DGKZ: variants seen among roughly 807,000 people sequenced by gnomAD.
DGKZ encodes DAG kinase zeta.
In DGKZ, 45 loss-of-function variants were observed where a neutral mutation model predicts 142.5. The ratio of observed to expected loss-of-function variants is 0.32; its 90% confidence interval spans 0.25 to 0.40. DGKZ has a LOEUF of 0.40. Among genes scored for constraint, DGKZ ranks in the 10% least tolerant of loss-of-function variants. DGKZ has a pLI of 1.00. For synonymous variants in DGKZ, 442 were observed against 527.0 expected, an observed-to-expected ratio of 0.84 and a Z score of 2.21; for missense variants, 755 against 1,306.5, an observed-to-expected ratio of 0.58 and a Z score of 6.51.
At chr11:46,343,955 C>CT (rs36078017), upstream of DGKZ, among the ~76,000 whole-genome samples, 1,661 of 144,820 alleles carry the variant, frequency 0.011, 25 homozygotes, top group African/African-American at 0.035. Flanking sequence ...TATAGCACAT[C>CT]TTTTTTTTTT....
At chr11:46,376,897 G>A (rs1188600970) in intron 24 of DGKZ, 176 bp from the exon 25 acceptor site, 5 of 660,672 alleles carry the variant, frequency 7.6e-6, no homozygotes, top group Admixed American at 5.7e-5. Flanking sequence ...CTGGGCAGTC[G>A]GAGGAGGTGT....
intron 1 of DGKZ, chr11:46,365,279 C>T: frequency 1.0e-6 from 1 of 985,430 alleles, no homozygotes; most frequent in Non-Finnish European, 1.2e-6. Context: ...GAAGAATGTG[C>T]AGTCACAGGC....
chr11:46,379,301 AT>A, intron 29 of DGKZ, 65 bp downstream of exon 29: 2 of 1,604,344 alleles, frequency 1.2e-6, no homozygotes, highest in Non-Finnish European at 1.7e-6. Flanking sequence ...CACCCCTCCC[AT>A]TTTGTCAGGT....
chr11:46,355,171 C>T (rs575977145), intron 1 of DGKZ, among the ~76,000 whole-genome samples: 74 of 152,162 alleles, frequency 4.9e-4, no homozygotes, highest in African/African-American at 1.7e-3. Flanking sequence ...TGCAGTGGTG[C>T]GATCTCGGCT....
chr11:46,358,038 T>C (rs1041062782), intron 1 of DGKZ, among the ~76,000 whole-genome samples: 1 of 152,224 alleles, frequency 6.6e-6, no homozygotes, highest in South Asian at 2.1e-4. Flanking sequence ...ATCAGTGGTC[T>C]TAAAAAGTAT....
Position 46,367,349 on chromosome 11 carries a change from G to T in DGKZ, c.220G>T (p.Ala74Ser), listed in dbSNP as rs1300110411. The T allele has an allele frequency of 6.2e-7, 1 of 1,613,168 alleles. No homozygotes were observed. Among genetic ancestry groups the T allele is most frequent in the East Asian group, 2.2e-5 (1 of 44,888 alleles). Residue 74 changes from alanine (A) to serine (S), a missense_variant, in exon 2 of 31, where the codon GCC becomes TCC. Transcript: ENST00000527911. This position sits in a 1 kb window ranked among gnomAD's most constrained non-coding sequence, Gnocchi z 4.1. ...GGCCCCCCCTCCGCCCACCCCTGGG[G>T]CCCCGTGCAGCGAGTCAGAGCGGCA...
At chr11:46,365,535 C>A (rs1298117354) in intron 1 of DGKZ, 1 of 985,306 alleles carries the variant, frequency 1.0e-6, no homozygotes, top group Non-Finnish European at 1.2e-6. Flanking sequence ...CCAGGAGAGC[C>A]AGACAGTGAC....
intron 1 of DGKZ, among the ~76,000 whole-genome samples, chr11:46,355,403 C>T (rs59319338): frequency 0.15 from 23,586 of 152,178 alleles, 1,884 homozygotes; most frequent in Middle Eastern, 0.18. Context: ...CCACCGCGCC[C>T]GGCTATTTTC....
At chr11:46,348,661 G>A (rs1402225364) in intron 1 of DGKZ, among the ~76,000 whole-genome samples, 5 of 152,216 alleles carry the variant, frequency 3.3e-5, no homozygotes, top group African/African-American at 9.6e-5. Flanking sequence ...GGGAACCGGG[G>A]GGAGAGTGTG....
At chr11:46,354,353 A>AT (rs1327419768) in intron 1 of DGKZ, among the ~76,000 whole-genome samples, 1 of 151,848 alleles carries the variant, frequency 6.6e-6, no homozygotes, top group Non-Finnish European at 1.5e-5. Context: ...TACCGGGCTC[A>AT]TTTTTTCTTT....
At chr11:46,358,125 CT>C (rs923443415) in intron 1 of DGKZ, among the ~76,000 whole-genome samples, 11 of 151,850 alleles carry the variant, frequency 7.2e-5, no homozygotes, top group African/African-American at 2.4e-4. Context: ...TGGTTCCTGC[CT>C]TTTTTTTGCT....
chr11:46,344,075 G>C (rs1259522697), upstream of DGKZ, among the ~76,000 whole-genome samples: 1 of 151,566 alleles, frequency 6.6e-6, no homozygotes, highest in African/African-American at 2.4e-5. Flanking sequence ...TCAGCCTCCA[G>C]AGTAGCTGGG....
chr11:46,364,208 C>G, intron 1 of DGKZ: 1 of 230,594 alleles, frequency 4.3e-6, no homozygotes, highest in East Asian at 1.8e-4. Flanking sequence ...GACTCCAGCA[C>G]TGACTCCACA....
At chr11:46,366,358 G>A in intron 1 of DGKZ, 1 of 1,531,520 alleles carries the variant, frequency 6.5e-7, no homozygotes, top group Non-Finnish European at 8.7e-7. Context: ...GCAAGGCCCG[G>A]CGTCGCTCCC....
intron 24 of DGKZ, 102 bp from the exon 25 acceptor site, chr11:46,376,971 G>A (rs1944622346): frequency 9.2e-7 from 1 of 1,085,552 alleles, no homozygotes; most frequent in Non-Finnish European, 1.4e-6. Flanking sequence ...TCCTTTCAGT[G>A]TTTGTGCTCA....
intron 16 of DGKZ, 49 bp from the exon 17 acceptor site, chr11:46,374,555 T>C: frequency 1.2e-6 from 2 of 1,605,802 alleles, no homozygotes; most frequent in Non-Finnish European, 1.7e-6. Flanking sequence ...CGGGTGCTGG[T>C]GAGGAAAGAT....
chr11:46,356,957 GA>G (rs1942092762), intron 1 of DGKZ, among the ~76,000 whole-genome samples: 2 of 152,172 alleles, frequency 1.3e-5, no homozygotes, highest in Non-Finnish European at 2.9e-5. Flanking sequence ...GAGCAGAGAG[GA>G]GGCTGGGAGG....
chr11:46,363,562 G>A (rs1355295403), intron 1 of DGKZ, among the ~76,000 whole-genome samples: 1 of 152,236 alleles, frequency 6.6e-6, no homozygotes, highest in Non-Finnish European at 1.5e-5. Context: ...CCTGTAAGCC[G>A]CCCTTGTCTC....
chr11:46,351,472 G>A (rs1243454863), intron 1 of DGKZ, among the ~76,000 whole-genome samples: 1 of 152,236 alleles, frequency 6.6e-6, no homozygotes, highest in Non-Finnish European at 1.5e-5. Flanking sequence ...GGGCTGCAGA[G>A]GGTGCCCAGC....
Sources: allele counts gnomAD v4.1 joint callset (sites outside exome capture counted in the v4.1 genomes callset), GRCh38; gene constraint gnomAD v4.1.1; non-coding constraint Gnocchi (gnomAD v3.1); transcripts MANE v1.5; gene names NCBI Gene and HGNC (gene_info 2026-07-23, HGNC 2026-07-21).